Variants in TRABD2B observed in about 807,000 individuals in gnomAD.
The protein encoded by TRABD2B is metalloprotease TIKI2.
Under a neutral mutation model 40.1 loss-of-function variants are expected in TRABD2B, and 14 were observed. The ratio of observed to expected loss-of-function variants is 0.35; its 90% CI spans 0.23 to 0.55. TRABD2B has a LOEUF of 0.55. Among genes scored for constraint, TRABD2B ranks in the 20% least tolerant of loss-of-function variants. TRABD2B has a pLI of 0.90. For missense variants in TRABD2B, 541 were observed against 648.6 expected (o/e 0.83, Z 1.80); for synonymous variants, 263 against 277.0 (o/e 0.95, Z 0.50).
intron 2 of TRABD2B, among the ~76,000 whole-genome samples, chr1:47,832,168 TA>T (rs950922400): frequency 1.8e-4 from 28 of 151,912 alleles, no homozygotes; most frequent in Non-Finnish European, 3.8e-4. Flanking sequence ...CCATCTCTAC[TA>T]AAAAAATACA....
intron 2 of TRABD2B, among the ~76,000 whole-genome samples, chr1:47,826,576 G>T (rs1454027986): frequency 6.6e-6 from 1 of 151,960 alleles, no homozygotes; most frequent in Non-Finnish European, 1.5e-5. Flanking sequence ...TTTTTTGGTG[G>T]TGGTTTGTTT....
intron 2 of TRABD2B, among the ~76,000 whole-genome samples, chr1:47,862,900 A>G (rs1303143464): frequency 6.6e-6 from 1 of 152,204 alleles, no homozygotes; most frequent in Non-Finnish European, 1.5e-5. Flanking sequence ...ATCAAATGCA[A>G]CAGAAAAGGG....
rs140175787 is a variant in TRABD2B at position 47,927,804 on chromosome 1, C to T, written c.666+66230G>A. On this transcript the variant is annotated intron_variant, in intron 2 of 6. Coordinates refer to ENST00000606738, the MANE Select transcript of TRABD2B (RefSeq NM_001194986.2). ...TGGGAGACATTCTCCTTGCCCTGATCTTTGCATAGAAACTGAATGGAATGA... is the reference window on the plus strand; with the variant it reads ...TGGGAGACATTCTCCTTGCCCTGATTTTTGCATAGAAACTGAATGGAATGA... Among the ~76,000 whole-genome samples the T allele has an allele frequency of 2.6e-5, 4 of 152,326 alleles. No homozygotes were observed. The East Asian group carries it at 7.7e-4, about 29-fold the overall frequency.
intron 2 of TRABD2B, among the ~76,000 whole-genome samples, chr1:47,830,421 A>G (rs1413519153): frequency 1.3e-5 from 2 of 152,256 alleles, no homozygotes; most frequent in Non-Finnish European, 2.9e-5. Context: ...GTTCACTTGC[A>G]TGAGAAAACC....
At chr1:47,992,223 T>A (rs772877201) in intron 2 of TRABD2B, among the ~76,000 whole-genome samples, 2 of 152,134 alleles carry the variant, frequency 1.3e-5, no homozygotes, top group African/African-American at 2.4e-5. Flanking sequence ...GTCTGTTTGA[T>A]CTTCAAACAT....
intron 2 of TRABD2B, among the ~76,000 whole-genome samples, chr1:47,937,118 GATC>G (rs1348972248): frequency 5.0e-5 from 3 of 60,204 alleles, no homozygotes; most frequent in Admixed American, 3.4e-4. Flanking sequence ...CCACCAGCAT[GATC>G]ATCACCATCA....
intron 2 of TRABD2B, among the ~76,000 whole-genome samples, chr1:47,989,536 TG>T (rs985216838): frequency 1.3e-5 from 2 of 152,120 alleles, no homozygotes; most frequent in East Asian, 3.9e-4. Flanking sequence ...TAGCCTATAT[TG>T]GGGGGTGTGT....
intron 2 of TRABD2B, among the ~76,000 whole-genome samples, chr1:47,839,115 G>A (rs917379352): frequency 3.3e-5 from 5 of 152,164 alleles, no homozygotes; most frequent in Non-Finnish European, 7.3e-5. Flanking sequence ...GACATTGTGG[G>A]ATAAGGTGAG....
rs971828017 is a variant in TRABD2B at position 47,835,660 on chromosome 1, T to C, written c.667-34041A>G. Reference sequence around the variant, plus strand: ...AAGAACGTCAATGAAGAATTCTATATCCAGCAAAACTATCTCTCAATAACA... The same window carrying C: ...AAGAACGTCAATGAAGAATTCTATACCCAGCAAAACTATCTCTCAATAACA... On this transcript the variant is annotated intron_variant, in intron 2 of 6. Coordinates refer to ENST00000606738, the MANE Select transcript of TRABD2B (RefSeq NM_001194986.2). Among the ~76,000 whole-genome samples the C allele has an allele frequency of 2.0e-5, 3 of 152,328 alleles. No homozygotes were observed. In the East Asian group the frequency reaches 5.8e-4, roughly 29 times the overall value.
At chr1:47,809,653 C>T (rs1485009117) in intron 2 of TRABD2B, among the ~76,000 whole-genome samples, 8 of 152,210 alleles carry the variant, frequency 5.3e-5, no homozygotes, top group Non-Finnish European at 7.3e-5. Flanking sequence ...ATCGGCAGCA[C>T]CAAAGCCATG....
intron 2 of TRABD2B, among the ~76,000 whole-genome samples, chr1:47,817,716 T>C (rs1645053096): frequency 6.6e-6 from 1 of 152,086 alleles, no homozygotes; most frequent in South Asian, 2.1e-4. Context: ...GAGGGCCCAG[T>C]CCCTTCACGG....
At chr1:47,948,224 T>G (rs1645287007) in intron 2 of TRABD2B, among the ~76,000 whole-genome samples, 1 of 152,138 alleles carries the variant, frequency 6.6e-6, no homozygotes. Flanking sequence ...GCAAAGGTGC[T>G]GTTATCCTGA....
chr1:47,956,251 G>A (rs1396960855), intron 2 of TRABD2B, among the ~76,000 whole-genome samples: 1 of 152,184 alleles, frequency 6.6e-6, no homozygotes, highest in African/African-American at 2.4e-5. Flanking sequence ...GTTCCAAGAT[G>A]GCCAAATAGG....
At chr1:47,918,395 C>T (rs970657072) in intron 2 of TRABD2B, among the ~76,000 whole-genome samples, 10 of 152,164 alleles carry the variant, frequency 6.6e-5, no homozygotes, top group African/African-American at 1.4e-4. Flanking sequence ...ACCCACCCTC[C>T]GAGTTACATG....
At chr1:47,958,329 A>G (rs1178163045) in intron 2 of TRABD2B, among the ~76,000 whole-genome samples, 1 of 145,600 alleles carries the variant, frequency 6.9e-6, no homozygotes, top group South Asian at 2.4e-4. Flanking sequence ...AGCTAACATC[A>G]TAATGACAGG....
chr1:47,991,854 C>T (rs941610124), intron 2 of TRABD2B, among the ~76,000 whole-genome samples: 10 of 152,226 alleles, frequency 6.6e-5, no homozygotes, highest in Non-Finnish European at 1.3e-4. Flanking sequence ...ACTGTGCACG[C>T]GTGCATGTAA....
chr1:47,919,257 G>C (rs189985243), intron 2 of TRABD2B, among the ~76,000 whole-genome samples: 9 of 152,394 alleles, frequency 5.9e-5, no homozygotes, highest in Admixed American at 3.9e-4. Flanking sequence ...AAATAAAAGA[G>C]AGTGAATGGA....
At chr1:47,815,809 A>C (rs1231441838) in intron 2 of TRABD2B, among the ~76,000 whole-genome samples, 2 of 38,994 alleles carry the variant, frequency 5.1e-5, no homozygotes, top group African/African-American at 1.2e-4. Context: ...AGATAGATAG[A>C]TAGATAGATA....
intron 2 of TRABD2B, among the ~76,000 whole-genome samples, chr1:47,824,386 G>A (rs1411682038): frequency 2.0e-5 from 3 of 152,114 alleles, no homozygotes; most frequent in Non-Finnish European, 1.5e-5. Context: ...TGACTCTGAC[G>A]CCCACCTACT....
Sources: gnomAD v4.1 joint callset for allele counts (sites outside exome capture counted in the v4.1 genomes callset) on GRCh38, gnomAD v4.1.1 for gene constraint, MANE v1.5 for transcripts, NCBI Gene and HGNC (gene_info 2026-07-23, HGNC 2026-07-21) for gene names.